Variants in VPS13A observed in about 807,000 individuals in gnomAD.
The protein encoded by VPS13A is vacuolar protein sorting 13 homolog A.
A neutral mutation model predicts 390.9 loss-of-function variants in VPS13A; 264 were observed. The ratio of observed to expected loss-of-function variants is 0.68; its 90% CI spans 0.61 to 0.75. The LOEUF is 0.75. VPS13A is among the 30% of genes least tolerant of loss of function. The pLI, the probability that VPS13A is intolerant of heterozygous loss-of-function variation, is 0.00. For synonymous variants in VPS13A, 1,231 were observed against 1,227.1 expected, an observed-to-expected ratio of 1.00 and a Z score of -0.07; for missense variants, 3,409 against 3,733.9, an observed-to-expected ratio of 0.91 and a Z score of 2.27.
At chr9:77,249,417 C>T (rs1407040411) in intron 20 of VPS13A, among the ~76,000 whole-genome samples, 1 of 152,138 alleles carries the variant, frequency 6.6e-6, no homozygotes, top group African/African-American at 2.4e-5. Flanking sequence ...ATTTGCTTAA[C>T]CTGTTACCTA....
chr9:77,359,499 T>A, intron 58 of VPS13A, 97 bp downstream of exon 58: 3 of 1,107,848 alleles, frequency 2.7e-6, no homozygotes, highest in African/African-American at 1.6e-5. Flanking sequence ...GTCAAAGATT[T>A]AAGCATAAAA....
intron 31 of VPS13A, among the ~76,000 whole-genome samples, chr9:77,291,045 C>T (rs1827622504): frequency 6.6e-6 from 1 of 152,130 alleles, no homozygotes; most frequent in Non-Finnish European, 1.5e-5. Context: ...TCCCCAACCC[C>T]CGGGCTGTAG....
chr9:77,409,110 C>G (rs916942718), intron 71 of VPS13A, among the ~76,000 whole-genome samples: 1 of 152,216 alleles, frequency 6.6e-6, no homozygotes, highest in African/African-American at 2.4e-5. Flanking sequence ...TCCAGAGGAA[C>G]AATCAGGCAG....
intron 67 of VPS13A, among the ~76,000 whole-genome samples, chr9:77,379,483 G>C (rs1833313536): frequency 1.3e-5 from 2 of 152,002 alleles, no homozygotes; most frequent in Non-Finnish European, 2.9e-5. Context: ...CAGGTGATCT[G>C]CCCGCCTTGG....
At chr9:77,298,765 G>T (rs1828160951) in intron 33 of VPS13A, among the ~76,000 whole-genome samples, 1 of 152,144 alleles carries the variant, frequency 6.6e-6, no homozygotes, top group Admixed American at 6.5e-5. Flanking sequence ...GAGGGACCTG[G>T]TGGGAGATAA....
At chr9:77,208,862 T>A (rs919669923) in intron 5 of VPS13A, among the ~76,000 whole-genome samples, 2 of 152,244 alleles carry the variant, frequency 1.3e-5, no homozygotes, top group African/African-American at 2.4e-5. Context: ...TTCTTGATTC[T>A]TTCTATTTCT....
intron 27 of VPS13A, 29 bp downstream of exon 27, chr9:77,280,267 T>C (rs764837047): frequency 6.6e-7 from 1 of 1,516,922 alleles, no homozygotes; most frequent in Admixed American, 1.7e-5. Context: ...ATCTGCTTAA[T>C]ATGGTAAGTA....
chr9:77,352,575 T>A (rs1354770538), intron 53 of VPS13A, among the ~76,000 whole-genome samples: 2 of 152,194 alleles, frequency 1.3e-5, no homozygotes, highest in African/African-American at 4.8e-5. Flanking sequence ...TGCATATTTA[T>A]ATCATAGTGA....
chr9:77,335,654 T>TA (rs1830502813), intron 46 of VPS13A, among the ~76,000 whole-genome samples: 1 of 152,162 alleles, frequency 6.6e-6, no homozygotes, highest in African/African-American at 2.4e-5. Flanking sequence ...AACAACAAGA[T>TA]ACCATCTCAC....
chr9:77,221,160 T>G (rs778774502), intron 12 of VPS13A, 25 bp from the exon 13 acceptor site: 1 of 1,610,930 alleles, frequency 6.2e-7, no homozygotes, highest in African/African-American at 1.3e-5. Flanking sequence ...TTGAGGGTGT[T>G]AAATGTTTTT....
In VPS13A at chr9:77,241,459, A is replaced by G. The variant is rs545008638; in HGVS notation, c.1900+3073A>G. 3.5e-5 allele frequency among the ~76,000 whole-genome samples: 5 copies of G among 144,756 alleles called. No homozygotes were observed. In the South Asian group the frequency reaches 6.5e-4, roughly 19 times the overall value. The allele number at this position is 144,756 out of a possible 152,430, so 95.0% of individuals were successfully genotyped here. On this transcript the variant is annotated intron_variant, in intron 19 of 71. Coordinates refer to ENST00000360280, the MANE Select transcript of VPS13A (RefSeq NM_033305.3). ...GTCTTTTTTTTTTTTTTCAGAGATC[A>G]TAAGTACAGTATTTTATATTCTGTC...
At chr9:77,292,658 C>CT (rs113959451) in intron 31 of VPS13A, among the ~76,000 whole-genome samples, 26,917 of 152,048 alleles carry the variant, frequency 0.18, 2,535 homozygotes, top group Middle Eastern at 0.24. Context: ...GGCTCTTCAG[C>CT]TCCCTGTTCT....
chr9:77,362,198 G>A (rs772661536), intron 59 of VPS13A, among the ~76,000 whole-genome samples: 19 of 152,204 alleles, frequency 1.2e-4, no homozygotes, highest in South Asian at 2.1e-4. Flanking sequence ...TGTTGCTCAT[G>A]CTTTTGGTGT....
chr9:77,273,123 A>G (rs1383865737), intron 23 of VPS13A, among the ~76,000 whole-genome samples, 157 bp from the exon 24 acceptor site: 1 of 152,218 alleles, frequency 6.6e-6, no homozygotes, highest in African/African-American at 2.4e-5. Context: ...TGCGTTTTAT[A>G]ATGTATTTTT....
chr9:77,260,283 TCAAA>T (rs1424524566), intron 23 of VPS13A, 59 bp downstream of exon 23: 1 of 1,554,984 alleles, frequency 6.4e-7, no homozygotes, highest in East Asian at 2.3e-5. Context: ...AAATAGTATT[TCAAA>T]CAATCACAGG....
intron 1 of VPS13A, among the ~76,000 whole-genome samples, chr9:77,195,562 C>T (rs1824945371): frequency 6.6e-6 from 1 of 152,038 alleles, no homozygotes; most frequent in African/African-American, 2.4e-5. Context: ...CATGACAAAA[C>T]CCCGTCTCTA....
At chr9:77,374,450 A>G (rs961959302) in intron 67 of VPS13A, among the ~76,000 whole-genome samples, 1 of 152,202 alleles carries the variant, frequency 6.6e-6, no homozygotes, top group Non-Finnish European at 1.5e-5. Flanking sequence ...GGTGATGTAT[A>G]AAGCATGGAT....
intron 70 of VPS13A, among the ~76,000 whole-genome samples, chr9:77,406,313 G>C (rs970554613): frequency 2.0e-5 from 3 of 152,092 alleles, no homozygotes; most frequent in Non-Finnish European, 4.4e-5. Context: ...TGCTTTCCTG[G>C]CTTTTTAAAT....
chr9:77,221,135 T>C (rs1263667699), intron 12 of VPS13A, 50 bp from the exon 13 acceptor site: 1 of 1,555,704 alleles, frequency 6.4e-7, no homozygotes, highest in South Asian at 1.1e-5. Flanking sequence ...GTCAGTAATG[T>C]TTCATACTGT....
Sources: gnomAD v4.1 joint callset for allele counts (sites outside exome capture counted in the v4.1 genomes callset) on GRCh38, gnomAD v4.1.1 for gene constraint, MANE v1.5 for transcripts, NCBI Gene and HGNC (gene_info 2026-07-23, HGNC 2026-07-21) for gene names.